The following SDAD1 variants were observed in gnomAD, a reference collection of about 807,000 sequenced individuals.
SDAD1 encodes protein SDA1 homolog.
In SDAD1, 79 loss-of-function variants were observed where a neutral mutation model predicts 100.3. The observed-to-expected ratio is 0.79, with a 90% confidence interval of 0.66 to 0.95. SDAD1 has a LOEUF of 0.95. Ranked by LOEUF, SDAD1 falls within the 40% of genes least tolerant of loss-of-function variation. The probability of loss-of-function intolerance (pLI) is 0.00; values close to 1 mark genes in which losing one functional copy is unlikely to be tolerated. For missense variants in SDAD1, 790 were observed against 810.9 expected (o/e 0.97, Z 0.31); for synonymous variants, 267 against 271.4 (o/e 0.98, Z 0.16).
At chr4:75,987,612 C>T (rs1484480288) in intron 1 of SDAD1, among the ~76,000 whole-genome samples, 2 of 152,136 alleles carry the variant, frequency 1.3e-5, no homozygotes, top group Non-Finnish European at 2.9e-5. Context: ...AGCAATTCTC[C>T]TGCCTCAGCC....
rs1427492731 is a variant in SDAD1, at chr4:75,960,193, C to T, written c.1357-1G>A. 2 of 1,564,062 alleles carry T rather than the reference C, an allele frequency of 1.3e-6. No individual in the cohort carries two copies. Among genetic ancestry groups the T allele is most frequent in the Non-Finnish European group, 1.7e-6 (2 of 1,162,148 alleles). ...CTATGGAGGCCTCTGTAGGCTTACCCTAAAGGAAAAGAAATTGTTTGTAAT... is the reference window on the plus strand; with the variant it reads ...CTATGGAGGCCTCTGTAGGCTTACCTTAAAGGAAAAGAAATTGTTTGTAAT... On this transcript the variant is annotated splice_acceptor_variant, in intron 16 of 21. Transcript: ENST00000356260. LOFTEE classifies it high-confidence loss of function.
chr4:75,958,930 T>C (rs1348255290), intron 17 of SDAD1, among the ~76,000 whole-genome samples: 2 of 151,084 alleles, frequency 1.3e-5, no homozygotes, highest in East Asian at 3.9e-4. Context: ...ACCCCGTCTC[T>C]ACTAAAAAAT....
chr4:75,988,964 A>G (rs1356669488), intron 1 of SDAD1, among the ~76,000 whole-genome samples: 2 of 152,096 alleles, frequency 1.3e-5, no homozygotes, highest in Non-Finnish European at 2.9e-5. Flanking sequence ...CCCTGCTTCC[A>G]GTGTTGCTCC....
intron 13 of SDAD1, among the ~76,000 whole-genome samples, chr4:75,965,244 T>C (rs11097188): frequency 0.33 from 49,999 of 151,786 alleles, 9,016 homozygotes; most frequent in South Asian, 0.42. Flanking sequence ...CGGTCTCCCG[T>C]GGCACTCCCA....
intron 17 of SDAD1, among the ~76,000 whole-genome samples, chr4:75,958,680 ATAGT>A (rs956078562): frequency 4.3e-4 from 66 of 152,140 alleles, no homozygotes; most frequent in African/African-American, 1.4e-3. Flanking sequence ...CTACATTCTA[ATAGT>A]TAGTTCCCTA....
At chr4:75,956,846 A>T (rs1578113589) in intron 20 of SDAD1, among the ~76,000 whole-genome samples, 1 of 152,236 alleles carries the variant, frequency 6.6e-6, no homozygotes, top group Non-Finnish European at 1.5e-5. Context: ...GCAATGGCTC[A>T]TGCCTATACT....
chr4:75,980,204 T>C (rs1560553807), intron 3 of SDAD1, among the ~76,000 whole-genome samples: 1 of 152,240 alleles, frequency 6.6e-6, no homozygotes, highest in Admixed American at 6.5e-5. Context: ...CCTTGGGCTA[T>C]ACTGCCAGGT....
intron 1 of SDAD1, among the ~76,000 whole-genome samples, chr4:75,982,848 AG>A (rs1730621757): frequency 6.7e-6 from 1 of 150,056 alleles, no homozygotes. Flanking sequence ...CAGAATGTGC[AG>A]GTTTGTTACA....
intron 1 of SDAD1, among the ~76,000 whole-genome samples, chr4:75,989,959 T>A (rs559271880): frequency 6.6e-6 from 1 of 152,198 alleles, no homozygotes; most frequent in Admixed American, 6.5e-5. Flanking sequence ...AGCACAAACA[T>A]GTAATTGCAG....
At chr4:75,963,211 G>A (rs1488597733) in intron 14 of SDAD1, among the ~76,000 whole-genome samples, 1 of 151,868 alleles carries the variant, frequency 6.6e-6, no homozygotes, top group Non-Finnish European at 1.5e-5. Context: ...TAGATGTGTG[G>A]TATTATATCT....
At chr4:75,966,175 G>A (rs992858958) in intron 12 of SDAD1, among the ~76,000 whole-genome samples, 3 of 151,844 alleles carry the variant, frequency 2.0e-5, no homozygotes, top group Non-Finnish European at 4.4e-5. Flanking sequence ...TGAGGGTAAG[G>A]ACCTTGTTTT....
rs778350618 is a variant in SDAD1, at chr4:75,975,847, G to A, written c.478-3C>T. The A allele has an allele frequency of 6.8e-6, 11 of 1,612,676 alleles. No individual in the cohort carries two copies. The highest frequency in any genetic ancestry group is 2.7e-5 in the African/African-American group (2 of 74,888). The stretch of plus-strand genomic sequence containing the variant: ...GTGTACATGAAATTTTGCAATACCT[G>A]CAGAAAAGGAGGAGAAAGAAGACTT... On this transcript the variant is annotated splice_region_variant and splice_polypyrimidine_tract_variant and intron_variant, in intron 5 of 21. Transcript: ENST00000356260.
chr4:75,964,096 A>G (rs1729400408), intron 14 of SDAD1, 39 bp downstream of exon 14: 2 of 1,330,434 alleles, frequency 1.5e-6, no homozygotes, highest in African/African-American at 1.4e-5. Context: ...CTAGTCCATT[A>G]AACAATGTAT....
At chr4:75,990,602 C>T (rs2149337404) in intron 1 of SDAD1, 150 bp downstream of exon 1, 1 of 1,558,234 alleles carries the variant, frequency 6.4e-7, no homozygotes, top group East Asian at 2.3e-5. Flanking sequence ...ATGTCCCGTC[C>T]CCAACCCCTT....
chr4:75,987,988 C>T (rs940731246), intron 1 of SDAD1, among the ~76,000 whole-genome samples: 3 of 152,142 alleles, frequency 2.0e-5, no homozygotes, highest in Non-Finnish European at 4.4e-5. Context: ...TACTTAGAAA[C>T]TCACTGGCCT....
chr4:75,959,966 A>G, intron 17 of SDAD1, 100 bp downstream of exon 17: 1 of 1,285,508 alleles, frequency 7.8e-7, no homozygotes, highest in Non-Finnish European at 1.0e-6. Context: ...TTGCTCAATA[A>G]ATATCTGCTG....
At chr4:75,973,223 G>C in intron 8 of SDAD1, 94 bp downstream of exon 8, 1 of 995,612 alleles carries the variant, frequency 1.0e-6, no homozygotes, top group South Asian at 1.4e-5. Flanking sequence ...TGTCATCTAA[G>C]TTTCTTTCTA....
chr4:75,957,378 G>A lies in SDAD1; in HGVS notation c.1801C>T (p.Arg601Cys), dbSNP rs114721568. The A allele has an allele frequency of 4.6e-5, 74 of 1,614,052 alleles. No homozygotes were observed. The African/African-American group carries it at 7.3e-4, about 16-fold the overall frequency. Residue 601 changes from arginine to cysteine, a missense_variant, in exon 20 of 22, where the codon CGC becomes TGC. Arg to Cys is a radical substitution (Grantham distance 180, BLOSUM62 -3). Coordinates refer to ENST00000356260, the MANE Select transcript of SDAD1 (RefSeq NM_018115.4). ...TCAGACTTTGGCTTTTTATGAAGGCGTTCAATGTCCCGAAGAGAAAGTAAT... is the reference window on the plus strand; with the variant it reads ...TCAGACTTTGGCTTTTTATGAAGGCATTCAATGTCCCGAAGAGAAAGTAAT... ...GELLSLRDIE[R>C]LHKKPKSDKE...
At chr4:75,952,451 C>G (rs1728668490) in intron 21 of SDAD1, among the ~76,000 whole-genome samples, 1 of 152,310 alleles carries the variant, frequency 6.6e-6, no homozygotes, top group African/African-American at 2.4e-5. Flanking sequence ...TATCTTTCTA[C>G]AGGCTTTACT....
Sources: gnomAD v4.1 joint callset for allele counts (sites outside exome capture counted in the v4.1 genomes callset) on GRCh38, gnomAD v4.1.1 for gene constraint, MANE v1.5 for transcripts, NCBI Gene and HGNC (gene_info 2026-07-23, HGNC 2026-07-21) for gene names.